RUFY3: variants seen among roughly 807,000 people sequenced by gnomAD.
The protein encoded by RUFY3 is protein RUFY3.
In RUFY3, 34 loss-of-function variants were observed where a neutral mutation model predicts 84.0. That is an observed-to-expected ratio of 0.40 (90% confidence interval 0.31 to 0.54). The LOEUF is 0.54. Among genes scored for constraint, RUFY3 ranks in the 20% least tolerant of loss-of-function variants. The pLI, the probability that RUFY3 is intolerant of heterozygous loss-of-function variation, is 0.39. For missense variants in RUFY3, 507 were observed against 736.8 expected, an observed-to-expected ratio of 0.69 and a Z score of 3.61; for synonymous variants, 242 against 252.9, an observed-to-expected ratio of 0.96 and a Z score of 0.41.
At chr4:70,798,699 TTGAAACCAGGAGGCAGAGGTTGCA>T (rs750498638) in intron 14 of RUFY3, among the ~76,000 whole-genome samples, 237 of 152,034 alleles carry the variant, frequency 1.6e-3, no homozygotes, top group African/African-American at 2.0e-3. Context: ...AGAGAATCGC[TTGAAACCAGGAGGCAGAGGTTGCA>T]TGAAACCAGG....
intron 3 of RUFY3, 31 bp downstream of exon 3, chr4:70,763,700 G>C (rs1258482262): frequency 6.3e-7 from 1 of 1,596,368 alleles, no homozygotes; most frequent in Non-Finnish European, 8.5e-7. Context: ...CATTTCTCAG[G>C]AACAGCATTC....
At chr4:70,804,978 G>A (rs1287977949) in intron 17 of RUFY3, among the ~76,000 whole-genome samples, 1 of 152,050 alleles carries the variant, frequency 6.6e-6, no homozygotes, top group Non-Finnish European at 1.5e-5. Context: ...AAGCAAATAA[G>A]CAGATAGAAA....
chr4:70,763,798 A>C (rs1308297730), intron 3 of RUFY3, 129 bp downstream of exon 3: 1 of 1,139,792 alleles, frequency 8.8e-7, no homozygotes, highest in East Asian at 2.4e-5. Context: ...TGATGTCATG[A>C]ATAGGTGCTG....
At chr4:70,751,704 T>C (rs1035216272) in intron 1 of RUFY3, among the ~76,000 whole-genome samples, 1 of 152,224 alleles carries the variant, frequency 6.6e-6, no homozygotes, top group African/African-American at 2.4e-5. Flanking sequence ...TTTCACTTTC[T>C]TGATGATGTC....
chr4:70,773,496 A>C lies in RUFY3; in HGVS notation c.697-15A>C. On this transcript the variant is annotated splice_polypyrimidine_tract_variant and intron_variant, in intron 5 of 17. Coordinates refer to ENST00000381006, the MANE Select transcript of RUFY3 (RefSeq NM_001037442.4). ...TATCTAATTTTATATTAAAACCTGA[A>C]AATTCTCTCTGTAGGTTGGAGTTAT... 3 of 1,597,070 alleles carry C rather than the reference A, an allele frequency of 1.9e-6. No homozygotes were observed. Among genetic ancestry groups the C allele is most frequent in the Non-Finnish European group, 2.6e-6 (3 of 1,165,210 alleles).
intron 1 of RUFY3, among the ~76,000 whole-genome samples, chr4:70,705,640 C>G (rs1001768174): frequency 5.3e-5 from 8 of 152,172 alleles, no homozygotes; most frequent in Non-Finnish European, 8.8e-5. Context: ...CCCCCTCCAC[C>G]CGGGGCGCCC....
At chr4:70,803,213 G>C (rs1732453661) in intron 16 of RUFY3, 1 of 409,730 alleles carries the variant, frequency 2.4e-6, no homozygotes, top group East Asian at 3.6e-5. Flanking sequence ...AATTATCCCT[G>C]ACATAAGATC....
intron 7 of RUFY3, among the ~76,000 whole-genome samples, chr4:70,775,522 C>A (rs1727791258): frequency 6.6e-6 from 1 of 151,908 alleles, no homozygotes; most frequent in African/African-American, 2.4e-5. Flanking sequence ...TACGTAAATA[C>A]ATTCAGTTAA....
intron 1 of RUFY3, among the ~76,000 whole-genome samples, chr4:70,748,289 CTTCCACTCTTATT>C (rs1312346719): frequency 6.6e-6 from 1 of 152,226 alleles, no homozygotes; most frequent in East Asian, 1.9e-4. Flanking sequence ...AGAACTCCCT[CTTCCACTCTTATT>C]TTCTCCACCT....
At position 70,785,889 on chromosome 4, in the gene RUFY3, C is replaced by T. The variant is rs180831937; in HGVS notation, c.1071+1010C>T. On this transcript the variant is annotated intron_variant, in intron 10 of 17. Coordinates refer to ENST00000381006, the MANE Select transcript of RUFY3 (RefSeq NM_001037442.4). ...TCAGTCTAGCAAAAGATCCAGCAAT[C>T]CCACTACTGGGGATATATCCAAAGG... Among the ~76,000 whole-genome samples, 75 of 152,166 alleles carry T rather than the reference C, an allele frequency of 4.9e-4. 1 individual carries two copies. The East Asian group carries it at 0.014, about 28-fold the overall frequency.
intron 14 of RUFY3, among the ~76,000 whole-genome samples, chr4:70,798,656 C>T (rs1731831765): frequency 6.6e-6 from 1 of 152,012 alleles, no homozygotes; most frequent in South Asian, 2.1e-4. Context: ...GCTGCGTGCA[C>T]CTATAATCCC....
chr4:70,784,965 A>G, intron 10 of RUFY3, 86 bp downstream of exon 10: 1 of 858,632 alleles, frequency 1.2e-6, no homozygotes, highest in Non-Finnish European at 1.7e-6. Context: ...GACCAAGATT[A>G]GGAATATCAG....
At chr4:70,726,018 T>C (rs1718169307) in intron 1 of RUFY3, among the ~76,000 whole-genome samples, 1 of 152,220 alleles carries the variant, frequency 6.6e-6, no homozygotes, top group African/African-American at 2.4e-5. Flanking sequence ...AAGATTTGTG[T>C]TTGGAATGAT....
At chr4:70,778,684 A>G (rs991501529) in intron 8 of RUFY3, among the ~76,000 whole-genome samples, 3 of 148,458 alleles carry the variant, frequency 2.0e-5, no homozygotes, top group African/African-American at 7.5e-5. Flanking sequence ...AGTTCAAGCG[A>G]TGCTCCTGCC....
At chr4:70,765,143 G>C (rs566456747) in intron 4 of RUFY3, among the ~76,000 whole-genome samples, 1 of 148,054 alleles carries the variant, frequency 6.8e-6, no homozygotes, top group African/African-American at 2.5e-5. Flanking sequence ...ATCCGAGAGC[G>C]TGCCACCACT....
upstream of RUFY3, among the ~76,000 whole-genome samples, chr4:70,717,883 T>G (rs1488186817): frequency 3.5e-5 from 5 of 141,596 alleles, no homozygotes; most frequent in African/African-American, 1.3e-4. Flanking sequence ...ATTTTTTTTT[T>G]TTTTTTTTTT....
chr4:70,777,641 A>AT (rs1728180002), intron 7 of RUFY3, among the ~76,000 whole-genome samples: 1 of 152,218 alleles, frequency 6.6e-6, no homozygotes, highest in Non-Finnish European at 1.5e-5. Context: ...ACAATGAAAT[A>AT]TAAACAATGG....
chr4:70,801,560 A>G (rs1031625999), intron 15 of RUFY3, among the ~76,000 whole-genome samples: 1 of 152,222 alleles, frequency 6.6e-6, no homozygotes, highest in African/African-American at 2.4e-5. Flanking sequence ...GTGATGAGGA[A>G]TGATACCACA....
At chr4:70,741,519 C>A (rs1721316957) in intron 1 of RUFY3, 1 of 819,562 alleles carries the variant, frequency 1.2e-6, no homozygotes, top group Non-Finnish European at 1.8e-6. Flanking sequence ...ATCCTAGGAA[C>A]CTCCCTTTCA....
Sources: allele counts gnomAD v4.1 joint callset (sites outside exome capture counted in the v4.1 genomes callset), GRCh38; gene constraint gnomAD v4.1.1; transcripts MANE v1.5; gene names NCBI Gene and HGNC (gene_info 2026-07-23, HGNC 2026-07-21).